The following PIGU variants were observed in gnomAD, a reference collection of about 807,000 sequenced individuals.
The protein encoded by PIGU is GPI-anchor transamidase component PIGU.
Under a neutral mutation model 49.9 loss-of-function variants are expected in PIGU, and 24 were observed. That is an observed-to-expected ratio of 0.48 (90% CI 0.35 to 0.68). The LOEUF (loss-of-function observed/expected upper bound fraction) is 0.68, where lower values mean the gene tolerates loss of function less well. Among genes scored for constraint, PIGU ranks in the 30% least tolerant of loss-of-function variants. The probability of loss-of-function intolerance (pLI) is 0.01; values close to 1 mark genes in which losing one functional copy is unlikely to be tolerated. For missense variants in PIGU, 490 were observed against 532.6 expected (o/e 0.92, Z 0.79); for synonymous variants, 220 against 205.7 (o/e 1.07, Z -0.59).
chr20:34,572,372 C>T (rs1357609118), intron 11 of PIGU, among the ~76,000 whole-genome samples: 5 of 151,898 alleles, frequency 3.3e-5, no homozygotes, highest in Admixed American at 6.5e-5. Context: ...ATAGGCTGGG[C>T]GCAGTGGCTC....
intron 4 of PIGU, among the ~76,000 whole-genome samples, chr20:34,642,652 C>CATATATATAT (rs10639203): frequency 7.6e-5 from 10 of 131,434 alleles, no homozygotes; most frequent in Admixed American, 1.6e-4. Flanking sequence ...ATATATATCT[C>CATATATATAT]ATATATATAT....
chr20:34,577,255 G>A (rs1235641102), intron 10 of PIGU, among the ~76,000 whole-genome samples: 1 of 152,116 alleles, frequency 6.6e-6, no homozygotes, highest in Non-Finnish European at 1.5e-5. Context: ...TGACCTTCAG[G>A]AAATCCCTTC....
chr20:34,636,904 C>T (rs1985986975), intron 5 of PIGU, among the ~76,000 whole-genome samples: 1 of 152,082 alleles, frequency 6.6e-6, no homozygotes, highest in Non-Finnish European at 1.5e-5. Flanking sequence ...TTTAAAGAAA[C>T]AGCTGCTGCT....
chr20:34,599,764 G>C (rs1429636090), intron 7 of PIGU, among the ~76,000 whole-genome samples: 1 of 152,202 alleles, frequency 6.6e-6, no homozygotes, highest in Non-Finnish European at 1.5e-5. Flanking sequence ...AGAGTTTTAA[G>C]CTGGAGACAG....
At chr20:34,640,995 G>A (rs1268379276) in intron 4 of PIGU, among the ~76,000 whole-genome samples, 2 of 152,176 alleles carry the variant, frequency 1.3e-5, no homozygotes, top group African/African-American at 2.4e-5. Flanking sequence ...CCGGGTTCAA[G>A]TGATTCTCTT....
chr20:34,665,191 A>ATTTT, intron 1 of PIGU, among the ~76,000 whole-genome samples: 1 of 79,442 alleles, frequency 1.3e-5, no homozygotes, highest in Non-Finnish European at 2.5e-5. Flanking sequence ...ATGTATGGCC[A>ATTTT]ATTTTTTTTT....
chr20:34,673,948 G>A (rs1248013526), intron 1 of PIGU, among the ~76,000 whole-genome samples: 1 of 152,154 alleles, frequency 6.6e-6, no homozygotes, highest in East Asian at 1.9e-4. Context: ...AGCTACTTGG[G>A]AGGCTGAGGC....
intron 8 of PIGU, among the ~76,000 whole-genome samples, chr20:34,585,995 A>G (rs1983686463): frequency 6.6e-6 from 1 of 152,062 alleles, no homozygotes; most frequent in African/African-American, 2.4e-5. Context: ...GCTCCTCCCC[A>G]TTCTTACTCC....
At chr20:34,570,166 C>G (rs951865113) in intron 11 of PIGU, among the ~76,000 whole-genome samples, 1 of 152,208 alleles carries the variant, frequency 6.6e-6, no homozygotes, top group South Asian at 2.1e-4. Flanking sequence ...GTTCCTCTCT[C>G]ACATATGAGC....
In PIGU at chr20:34,674,174, G is replaced by A. The variant is rs6059978; in HGVS notation, c.130+2782C>T. Among the ~76,000 whole-genome samples the A allele has an allele frequency of 4.1e-3, 629 of 152,116 alleles. 14 individuals carry two copies. The highest frequency in any genetic ancestry group is 0.014 in the African/African-American group (567 of 41,496). Reference sequence around the variant, plus strand: ...AGTTTAAGACCAGACTAGCCAACATGGTGAAACTTATCTCTACTAAAAATA... The same window carrying A: ...AGTTTAAGACCAGACTAGCCAACATAGTGAAACTTATCTCTACTAAAAATA... On this transcript the variant is annotated intron_variant, in intron 1 of 11. Coordinates refer to ENST00000217446, the MANE Select transcript of PIGU (RefSeq NM_080476.5).
At chr20:34,605,553 T>A (rs1984580198) in intron 7 of PIGU, among the ~76,000 whole-genome samples, 1 of 152,204 alleles carries the variant, frequency 6.6e-6, no homozygotes, top group Non-Finnish European at 1.5e-5. Flanking sequence ...CAAGCCCTCA[T>A]CAGACTCTGT....
chr20:34,623,330 G>C (rs1041315426), intron 6 of PIGU, among the ~76,000 whole-genome samples: 1 of 152,156 alleles, frequency 6.6e-6, no homozygotes, highest in African/African-American at 2.4e-5. Context: ...TGCCAAGTGT[G>C]TTCTTTTAAC....
At chr20:34,647,128 C>T (rs1212363351) in intron 2 of PIGU, among the ~76,000 whole-genome samples, 2 of 149,214 alleles carry the variant, frequency 1.3e-5, no homozygotes, top group Admixed American at 6.7e-5. Flanking sequence ...TCAGCCACCA[C>T]GCTGGGCTAA....
At chr20:34,572,483 C>G (rs941467281) in intron 11 of PIGU, among the ~76,000 whole-genome samples, 1 of 152,018 alleles carries the variant, frequency 6.6e-6, no homozygotes, top group Admixed American at 6.6e-5. Context: ...CCTGTCTCTA[C>G]TCTCTACCAA....
At chr20:34,647,411 G>A (rs762528744) in intron 2 of PIGU, among the ~76,000 whole-genome samples, 5 of 151,848 alleles carry the variant, frequency 3.3e-5, no homozygotes, top group African/African-American at 7.3e-5. Flanking sequence ...ACAGCCGCGC[G>A]CCACCACACC....
intron 10 of PIGU, among the ~76,000 whole-genome samples, chr20:34,577,268 C>T (rs572172278): frequency 6.6e-6 from 1 of 152,284 alleles, no homozygotes; most frequent in African/African-American, 2.4e-5. Flanking sequence ...ATCCCTTCTC[C>T]CAAGTGACAG....
intron 11 of PIGU, among the ~76,000 whole-genome samples, chr20:34,574,779 C>T (rs979489727): frequency 6.6e-6 from 1 of 152,164 alleles, no homozygotes; most frequent in Non-Finnish European, 1.5e-5. Context: ...GTTCTTGGCT[C>T]CTCCAATGAC....
At chr20:34,672,811 T>C (rs2146800761) in intron 1 of PIGU, among the ~76,000 whole-genome samples, 1 of 140,026 alleles carries the variant, frequency 7.1e-6, no homozygotes, top group East Asian at 2.1e-4. Flanking sequence ...ATTATGATCA[T>C]GCCGCTGCAC....
At chr20:34,592,001 C>T (rs556121364) in intron 7 of PIGU, among the ~76,000 whole-genome samples, 5 of 152,144 alleles carry the variant, frequency 3.3e-5, no homozygotes, top group Admixed American at 6.5e-5. Context: ...TCCTGGCTAA[C>T]GTGGTGAAAC....
Sources: allele counts gnomAD v4.1 joint callset (sites outside exome capture counted in the v4.1 genomes callset), GRCh38; gene constraint gnomAD v4.1.1; transcripts MANE v1.5; gene names NCBI Gene and HGNC (gene_info 2026-07-23, HGNC 2026-07-21).